Variants in KIF6 observed in about 807,000 individuals in gnomAD.
KIF6 encodes kinesin family member 6.
A neutral mutation model predicts 112.7 loss-of-function variants in KIF6; 106 were observed. The ratio of observed to expected loss-of-function variants is 0.94; its 90% CI spans 0.80 to 1.11. The LOEUF is 1.11. KIF6 is among the 50% of genes least tolerant of loss of function. KIF6 has a pLI of 0.00. For missense variants in KIF6, 929 were observed against 964.0 expected, an observed-to-expected ratio of 0.96 and a Z score of 0.48; for synonymous variants, 339 against 339.9, an observed-to-expected ratio of 1.00 and a Z score of 0.03.
chr6:39,611,062 T>C (rs1248110114), intron 6 of KIF6, among the ~76,000 whole-genome samples: 1 of 152,196 alleles, frequency 6.6e-6, no homozygotes, highest in African/African-American at 2.4e-5. Flanking sequence ...ATTCCAGCAT[T>C]TGGGAGGCTG....
intron 2 of KIF6, among the ~76,000 whole-genome samples, chr6:39,717,065 A>G (rs191190797): frequency 1.3e-5 from 2 of 152,256 alleles, no homozygotes; most frequent in African/African-American, 4.8e-5. Context: ...GCAATAGCCT[A>G]ACTAGTCTTT....
chr6:39,354,336 G>A (rs1316876696), intron 19 of KIF6, among the ~76,000 whole-genome samples: 7 of 152,236 alleles, frequency 4.6e-5, no homozygotes, highest in African/African-American at 1.7e-4. Flanking sequence ...AAGCAAGGGA[G>A]TAGGTTTGGT....
chr6:39,577,497 A>G (rs955538379), intron 10 of KIF6, among the ~76,000 whole-genome samples: 15 of 152,360 alleles, frequency 9.8e-5, no homozygotes, highest in African/African-American at 2.6e-4. Flanking sequence ...TGAGAGCCAC[A>G]TTGCACCACT....
intron 13 of KIF6, among the ~76,000 whole-genome samples, chr6:39,452,691 A>G (rs1772783863): frequency 6.6e-6 from 1 of 152,256 alleles, no homozygotes; most frequent in African/African-American, 2.4e-5. Flanking sequence ...TTTTATTAAA[A>G]GAGCAGGATG....
chr6:39,667,291 G>A (rs537209865), intron 3 of KIF6, among the ~76,000 whole-genome samples: 12 of 152,132 alleles, frequency 7.9e-5, no homozygotes, highest in South Asian at 6.2e-4. Context: ...GGGTGGGAGG[G>A]GTGGGGATGA....
intron 13 of KIF6, among the ~76,000 whole-genome samples, chr6:39,525,442 A>G (rs968283523): frequency 3.9e-5 from 6 of 152,240 alleles, no homozygotes; most frequent in African/African-American, 1.4e-4. Context: ...CCTAGTTTAT[A>G]GACACAACTG....
intron 14 of KIF6, among the ~76,000 whole-genome samples, chr6:39,423,016 T>C (rs1056727624): frequency 7.2e-5 from 11 of 152,342 alleles, no homozygotes; most frequent in Admixed American, 3.9e-4. Flanking sequence ...CCAGGACCAC[T>C]GATGAGCGCC....
At chr6:39,383,425 C>T (rs1767142217) in intron 16 of KIF6, among the ~76,000 whole-genome samples, 2 of 152,036 alleles carry the variant, frequency 1.3e-5, no homozygotes, top group Non-Finnish European at 2.9e-5. Context: ...GTGTTCTTTC[C>T]CCATTGTTTA....
intron 3 of KIF6, among the ~76,000 whole-genome samples, chr6:39,699,532 A>G (rs1158380038): frequency 6.6e-6 from 1 of 152,202 alleles, no homozygotes; most frequent in Non-Finnish European, 1.5e-5. Context: ...CTTTGTTTAC[A>G]AGGGGGAAGT....
Position 39,357,268 on chromosome 6 carries a change from T to C in KIF6, c.2180+9A>G. 6.3e-7 allele frequency: 1 copy of C among 1,595,696 alleles called. No individual in the cohort carries two copies. Among genetic ancestry groups the C allele is most frequent in the Non-Finnish European group, 8.6e-7 (1 of 1,164,458 alleles). ...GAACTCTAACACCTCCGGTGAGTTC[T>C]CACCTTACCTTTTGTTAGAGAGGAG... is the stretch of plus-strand genomic sequence containing the variant. On this transcript the variant is annotated intron_variant, in intron 19 of 22. Transcript: ENST00000287152.
intron 3 of KIF6, among the ~76,000 whole-genome samples, chr6:39,685,923 C>T (rs993261365): frequency 3.9e-5 from 6 of 152,194 alleles, no homozygotes; most frequent in African/African-American, 1.4e-4. Context: ...ATTAAACTCA[C>T]AGATACTGAC....
chr6:39,586,951 G>C (rs915089317), intron 7 of KIF6, among the ~76,000 whole-genome samples: 4 of 152,176 alleles, frequency 2.6e-5, no homozygotes, highest in Non-Finnish European at 5.9e-5. Flanking sequence ...AGGTAGTTGA[G>C]ATGATTAAAA....
rs1185142569 is a variant in KIF6, at chr6:39,647,706, A to ATTTT, written c.252-7953_252-7950dup. On this transcript the variant is annotated intron_variant, in intron 3 of 22. Transcript: ENST00000287152. Reference sequence around the variant, plus strand: ...CCTAGGTCAAACAGTGAAGGCCCTGATTTTTTTTTTTTTTTTTTGAGACAG... The same window carrying ATTTT: ...CCTAGGTCAAACAGTGAAGGCCCTGATTTTTTTTTTTTTTTTTTTTTTGAGACAG... 8.8e-3 allele frequency among the ~76,000 whole-genome samples: 1,198 copies of ATTTT among 136,630 alleles called. 22 individuals are homozygous for ATTTT. Among genetic ancestry groups the ATTTT allele is most frequent in the African/African-American group, 0.03 (1,123 of 36,864 alleles). 89.6% of individuals were successfully genotyped at this position (136,630 alleles called of 152,430 possible). A position where few individuals can be genotyped will look rare whatever the true frequency, so the allele number is the denominator to read the frequency against.
chr6:39,672,457 C>T (rs965304675), intron 3 of KIF6, among the ~76,000 whole-genome samples: 4 of 152,182 alleles, frequency 2.6e-5, no homozygotes, highest in Admixed American at 6.5e-5. Flanking sequence ...AGATAATATA[C>T]ATAATCTCAG....
At chr6:39,502,474 G>C (rs535922853) in intron 13 of KIF6, among the ~76,000 whole-genome samples, 127 of 152,188 alleles carry the variant, frequency 8.3e-4, no homozygotes, top group African/African-American at 2.7e-3. Context: ...ATGATGACAG[G>C]ATCAAATCCA....
intron 6 of KIF6, among the ~76,000 whole-genome samples, chr6:39,612,077 G>GACAAAA (rs1783244426): frequency 6.6e-6 from 1 of 152,058 alleles, no homozygotes; most frequent in South Asian, 2.1e-4. Flanking sequence ...AAACAACTGT[G>GACAAAA]ACAAAAACAA....
intron 13 of KIF6, among the ~76,000 whole-genome samples, chr6:39,510,101 T>C (rs1270692585): frequency 6.6e-6 from 1 of 150,792 alleles, no homozygotes; most frequent in Non-Finnish European, 1.5e-5. Context: ...TTTCTTTTTT[T>C]TTTTTTTTTT....
intron 3 of KIF6, among the ~76,000 whole-genome samples, chr6:39,646,682 T>C (rs1785187200): frequency 6.6e-6 from 1 of 152,194 alleles, no homozygotes; most frequent in African/African-American, 2.4e-5. Context: ...AACCAAACAA[T>C]TGGTACTAAG....
intron 13 of KIF6, among the ~76,000 whole-genome samples, chr6:39,523,269 G>A (rs1257919791): frequency 3.3e-5 from 5 of 152,004 alleles, no homozygotes; most frequent in Admixed American, 3.3e-4. Context: ...TACGTAGCTT[G>A]ACTGCTGTTA....
Sources: gnomAD v4.1 joint callset for allele counts (sites outside exome capture counted in the v4.1 genomes callset) on GRCh38, gnomAD v4.1.1 for gene constraint, MANE v1.5 for transcripts, NCBI Gene and HGNC (gene_info 2026-07-23, HGNC 2026-07-21) for gene names.